LUC7L: variants seen among roughly 807,000 people sequenced by gnomAD.
LUC7L encodes LUC7 like, also known as putative RNA-binding protein Luc7-like 1.
Under a neutral mutation model 51.1 loss-of-function variants are expected in LUC7L, and 29 were observed. That is an observed-to-expected ratio of 0.57 (90% CI 0.42 to 0.77). The LOEUF (loss-of-function observed/expected upper bound fraction) is 0.77, where lower values mean the gene tolerates loss of function less well. Ranked by LOEUF, LUC7L falls within the 30% of genes least tolerant of loss-of-function variation. The pLI is 0.00. For missense variants in LUC7L, 403 were observed against 511.9 expected, an observed-to-expected ratio of 0.79 and a Z score of 2.05; for synonymous variants, 181 against 180.7, an observed-to-expected ratio of 1.00 and a Z score of -0.01.
chr16:228,547 C>A, intron 1 of LUC7L: 2 of 1,203,558 alleles, frequency 1.7e-6, no homozygotes, highest in East Asian at 1.2e-4. Context: ...ATCTGCACAG[C>A]CCTGAGAATG....
chr16:190,637 C>T (rs561008741), intron 7 of LUC7L, 67 bp from the exon 8 acceptor site: 18 of 1,463,706 alleles, frequency 1.2e-5, no homozygotes, highest in African/African-American at 4.2e-5. Context: ...CCCAGCACTT[C>T]GGGGAGGCCT....
chr16:215,799 T>G (rs1486192403), intron 3 of LUC7L, among the ~76,000 whole-genome samples: 1 of 151,808 alleles, frequency 6.6e-6, no homozygotes, highest in African/African-American at 2.4e-5. Flanking sequence ...AGACACTGTC[T>G]CAAAAAAAAA....
chr16:208,364 G>A (rs1252904631), intron 3 of LUC7L, 176 bp from the exon 4 acceptor site: 1 of 543,080 alleles, frequency 1.8e-6, no homozygotes, highest in East Asian at 3.7e-5. Flanking sequence ...TTAAATCAAG[G>A]GGATCTGTTA....
chr16:227,065 C>G (rs72765805), intron 2 of LUC7L, among the ~76,000 whole-genome samples, 177 bp downstream of exon 2: 7,688 of 152,258 alleles, frequency 0.05, 243 homozygotes, highest in Non-Finnish European at 0.068. Context: ...CACAGAGTGA[C>G]ACTCCATCGC....
At chr16:227,633 T>C (rs2050163820) in intron 1 of LUC7L, 8 of 1,177,932 alleles carry the variant, frequency 6.8e-6, no homozygotes, top group South Asian at 6.7e-5. Context: ...GCTCCACATA[T>C]ACATGTGGCA....
intron 3 of LUC7L, among the ~76,000 whole-genome samples, chr16:218,898 C>A (rs1282973058): frequency 7.5e-6 from 1 of 132,598 alleles, no homozygotes; most frequent in Admixed American, 8.9e-5. Flanking sequence ...TGAGACCAGC[C>A]TGGGCAACAT....
At chr16:189,670 T>G in intron 9 of LUC7L, 1 of 1,323,704 alleles carries the variant, frequency 7.6e-7, no homozygotes, top group South Asian at 2.4e-5. Flanking sequence ...AAAACAGAGG[T>G]AAGCAGGGCC....
chr16:215,918 C>T (rs147405752), intron 3 of LUC7L, among the ~76,000 whole-genome samples: 212 of 152,184 alleles, frequency 1.4e-3, no homozygotes, highest in African/African-American at 4.6e-3. Context: ...CAGGCAAAAA[C>T]TCCTGGGCTC....
In LUC7L at chr16:203,289, C is replaced by T. The variant is rs867827087; in HGVS notation, c.510+2715G>A. On this transcript the variant is annotated intron_variant, in intron 5 of 9. Transcript: ENST00000293872. ...CAGATGGGTTTACTGGTGAATTCTA[C>T]CAAAGCATTAGGGAGCAAATCATGC... Among the ~76,000 whole-genome samples, 3 of 152,176 alleles carry T rather than the reference C, an allele frequency of 2.0e-5. No individual in the cohort carries two copies. The South Asian group carries it at 6.2e-4, about 32-fold the overall frequency.
Position 190,495 on chromosome 16 carries a change from A to G in LUC7L, c.806+46T>C. 3 of 1,596,194 alleles carry G rather than the reference A, an allele frequency of 1.9e-6. No homozygotes were observed. The South Asian group carries it at 3.3e-5, about 18-fold the overall frequency. On this transcript the variant is annotated intron_variant, in intron 8 of 9. Transcript: ENST00000293872. ...TCATTAAATATTAAGAAAAATGCTTATGGAAAAAAAAATTTGAGAACATTT... is the reference window on the plus strand; with the variant it reads ...TCATTAAATATTAAGAAAAATGCTTGTGGAAAAAAAAATTTGAGAACATTT...
At chr16:200,048 C>T (rs144817493) in intron 5 of LUC7L, among the ~76,000 whole-genome samples, 21 of 151,780 alleles carry the variant, frequency 1.4e-4, no homozygotes, top group African/African-American at 3.6e-4. Flanking sequence ...CCCAGCATTC[C>T]GAGGCCAAGG....
intron 3 of LUC7L, among the ~76,000 whole-genome samples, chr16:210,777 C>T (rs2049614826): frequency 6.6e-6 from 1 of 152,178 alleles, no homozygotes; most frequent in South Asian, 2.1e-4. Flanking sequence ...GGTGGCCGGG[C>T]GTGGTGGCTC....
At position 229,312 on chromosome 16, in the gene LUC7L, G is replaced by C; in HGVS notation, c.28C>G (p.Leu10Val). The change falls in exon 1 of 10, where the codon CTG becomes GTG. Residue 10 changes from leucine (L) to valine (V), a missense_variant. Leu to Val is a conservative substitution (Grantham distance 32). Coordinates refer to ENST00000293872, the MANE Select transcript of LUC7L (RefSeq NM_201412.3). ...GCCGTGCCCATGAGCTGGTCCAGCAGGGCCCGCATCTGCGCCTGGGCGGAC... is the reference window on the plus strand; with the variant it reads ...GCCGTGCCCATGAGCTGGTCCAGCACGGCCCGCATCTGCGCCTGGGCGGAC... MSAQAQMRA[L>V]LDQLMGTARD... is the part of the protein sequence containing the mutation. The C allele has an allele frequency of 1.3e-6, 2 of 1,532,738 alleles. No homozygotes were observed. Among genetic ancestry groups the C allele is most frequent in the Admixed American group, 1.9e-5 (1 of 51,434 alleles). The allele number at this position is 1,532,738 out of a possible 1,614,324, so 94.9% of individuals were successfully genotyped here.
intron 6 of LUC7L, among the ~76,000 whole-genome samples, chr16:196,437 C>A (rs2049152040): frequency 6.6e-6 from 1 of 151,012 alleles, no homozygotes; most frequent in Non-Finnish European, 1.5e-5. Context: ...CAAAAAAAAC[C>A]CAACAACTAC....
Position 189,218 on chromosome 16 carries a change from TCTC to T in LUC7L, c.1093_1095del (p.Glu365del). The T allele has an allele frequency of 6.2e-7, 1 of 1,613,766 alleles. No homozygotes were observed. Among genetic ancestry groups the T allele is most frequent in the South Asian group, 1.1e-5 (1 of 91,000 alleles). On this transcript the variant is annotated inframe_deletion, in exon 10 of 10. Transcript: ENST00000293872. ...CGGGTTCAGATCTCGCCGGCCTCCTTCTCTTCTGACCTCCGTGAAGCCATCTTC... is the reference window on the plus strand; with the variant it reads ...CGGGTTCAGATCTCGCCGGCCTCCTTTTCTGACCTCCGTGAAGCCATCTTC...
At chr16:212,100 C>T (rs1267124642) in intron 3 of LUC7L, among the ~76,000 whole-genome samples, 1 of 152,168 alleles carries the variant, frequency 6.6e-6, no homozygotes, top group East Asian at 1.9e-4. Context: ...TTGAGATCAG[C>T]CTGACCAACA....
At chr16:189,419 C>T in intron 9 of LUC7L, 80 bp from the exon 10 acceptor site, 4 of 1,499,396 alleles carry the variant, frequency 2.7e-6, no homozygotes, top group Admixed American at 2.2e-5. Context: ...GATGGACCCG[C>T]AGACCAGGCC....
rs1267758743 is a variant in LUC7L at position 208,195 on chromosome 16, C to T, written c.256-7G>A. 6 of 1,591,388 alleles carry T rather than the reference C, an allele frequency of 3.8e-6. No individual in the cohort carries two copies. Among genetic ancestry groups the T allele is most frequent in the South Asian group, 2.2e-5 (2 of 90,564 alleles). Reference sequence around the variant, plus strand: ...ACTCCAAGTGATCCATTGCCTAGCACGGGAAAAGCACAGCGCTATAATCAA... The same window carrying T: ...ACTCCAAGTGATCCATTGCCTAGCATGGGAAAAGCACAGCGCTATAATCAA... On this transcript the variant is annotated splice_polypyrimidine_tract_variant and splice_region_variant and intron_variant, in intron 3 of 9. Coordinates refer to ENST00000293872, the MANE Select transcript of LUC7L (RefSeq NM_201412.3).
chr16:202,905 T>TGGGA (rs2049374136), intron 5 of LUC7L, among the ~76,000 whole-genome samples: 1 of 152,164 alleles, frequency 6.6e-6, no homozygotes, highest in South Asian at 2.1e-4. Flanking sequence ...CCCAGCACTG[T>TGGGA]GGGAGGCTGA....
Sources: allele counts gnomAD v4.1 joint callset (sites outside exome capture counted in the v4.1 genomes callset), GRCh38; gene constraint gnomAD v4.1.1; transcripts MANE v1.5; gene names NCBI Gene and HGNC (gene_info 2026-07-23, HGNC 2026-07-21).